The following NXPH1 variants were observed in gnomAD, a reference collection of about 807,000 sequenced individuals.
NXPH1 encodes neurexophilin 1, also known as neurexophilin-1.
In NXPH1, 5 loss-of-function variants were observed where a neutral mutation model predicts 23.7. The observed-to-expected ratio is 0.21, with a 90% CI of 0.11 to 0.44. NXPH1 has a LOEUF of 0.44. NXPH1 is among the 20% of genes least tolerant of loss of function. NXPH1 has a pLI of 0.99. For synonymous variants in NXPH1, 144 were observed against 122.2 expected (o/e 1.18, Z -1.18); for missense variants, 324 against 321.6 (o/e 1.01, Z -0.06).
intron 2 of NXPH1, among the ~76,000 whole-genome samples, chr7:8,582,781 C>G (rs1273010177): frequency 6.6e-6 from 1 of 152,190 alleles, no homozygotes; most frequent in Non-Finnish European, 1.5e-5. Context: ...CTGGAACTGA[C>G]AGTCCAGCCC....
At chr7:8,505,648 C>T (rs192161252) in intron 2 of NXPH1, among the ~76,000 whole-genome samples, 1 of 152,032 alleles carries the variant, frequency 6.6e-6, no homozygotes, top group East Asian at 1.9e-4. Flanking sequence ...AACTTGTGCC[C>T]ATTAGGTTTC....
chr7:8,735,063 A>G (rs1780225272), intron 2 of NXPH1, among the ~76,000 whole-genome samples: 1 of 152,134 alleles, frequency 6.6e-6, no homozygotes. Flanking sequence ...GGGTTTTCTA[A>G]ATATAAAATC....
chr7:8,440,634 G>A (rs1343555011), intron 2 of NXPH1, among the ~76,000 whole-genome samples: 1 of 152,144 alleles, frequency 6.6e-6, no homozygotes, highest in Non-Finnish European at 1.5e-5. Context: ...GAAATTGACA[G>A]CATTGTCCGG....
chr7:8,742,559 G>GA, intron 2 of NXPH1, among the ~76,000 whole-genome samples: 1 of 118,000 alleles, frequency 8.5e-6, no homozygotes, highest in Non-Finnish European at 2.0e-5. Flanking sequence ...GTGTCTCTGA[G>GA]ATATTTTGTT....
chr7:8,441,196 GT>G (rs1354263384), intron 2 of NXPH1, among the ~76,000 whole-genome samples: 1 of 152,184 alleles, frequency 6.6e-6, no homozygotes, highest in Non-Finnish European at 1.5e-5. Context: ...GCCGAGAGCG[GT>G]TGGGTCAGCG....
chr7:8,717,148 G>T (rs1779891236), intron 2 of NXPH1, among the ~76,000 whole-genome samples: 1 of 152,150 alleles, frequency 6.6e-6, no homozygotes, highest in East Asian at 1.9e-4. Flanking sequence ...CCCTTAGTAG[G>T]TTTGCTAAGA....
chr7:8,551,966 T>C (rs991445407), intron 2 of NXPH1, among the ~76,000 whole-genome samples: 1 of 151,354 alleles, frequency 6.6e-6, no homozygotes, highest in African/African-American at 2.4e-5. Context: ...CCTTAAATCC[T>C]CTGATGTCTC....
At chr7:8,577,703 G>T (rs1030832646) in intron 2 of NXPH1, among the ~76,000 whole-genome samples, 1 of 152,144 alleles carries the variant, frequency 6.6e-6, no homozygotes, top group Non-Finnish European at 1.5e-5. Context: ...CCCTTGTGTA[G>T]TCTCCTTCCA....
intron 2 of NXPH1, among the ~76,000 whole-genome samples, chr7:8,503,027 G>T (rs1817461660): frequency 6.6e-6 from 1 of 151,928 alleles, no homozygotes; most frequent in African/African-American, 2.4e-5. Context: ...CTTGGAACTG[G>T]GTGGGAAACC....
At chr7:8,743,385 G>T (rs12534041) in intron 2 of NXPH1, among the ~76,000 whole-genome samples, 3 of 113,554 alleles carry the variant, frequency 2.6e-5, no homozygotes, top group Non-Finnish European at 6.2e-5. Flanking sequence ...GTTGAAGATT[G>T]TATATATAAA....
intron 2 of NXPH1, among the ~76,000 whole-genome samples, chr7:8,715,253 C>T (rs13227361): frequency 8.5e-4 from 129 of 152,282 alleles, no homozygotes; most frequent in African/African-American, 2.9e-3. Context: ...CACTCTCCCT[C>T]CCGCAGGTGC....
intron 2 of NXPH1, among the ~76,000 whole-genome samples, chr7:8,621,195 A>G (rs571483952): frequency 6.6e-6 from 1 of 152,348 alleles, no homozygotes; most frequent in Admixed American, 6.5e-5. Context: ...AAGGTGCCAT[A>G]GATTCAAAAG....
intron 2 of NXPH1, among the ~76,000 whole-genome samples, chr7:8,520,649 G>A (rs1456836823): frequency 6.6e-6 from 1 of 151,342 alleles, no homozygotes; most frequent in Non-Finnish European, 1.5e-5. Flanking sequence ...TTTTTCTTGT[G>A]TGACTGTTTG....
chr7:8,705,669 AG>A (rs1233050590), intron 2 of NXPH1, among the ~76,000 whole-genome samples: 1 of 152,158 alleles, frequency 6.6e-6, no homozygotes, highest in African/African-American at 2.4e-5. Flanking sequence ...AAATCAACGT[AG>A]CCCTTTGGAC....
intron 2 of NXPH1, among the ~76,000 whole-genome samples, chr7:8,446,261 T>C (rs1816400948): frequency 1.3e-5 from 2 of 152,230 alleles, no homozygotes; most frequent in South Asian, 4.1e-4. Context: ...ACTGGTATGC[T>C]AATCATGGGT....
Position 8,586,626 on chromosome 7 carries a change from A to AATATAT in NXPH1, c.54+150875_54+150880dup, listed in dbSNP as rs201601131. On this transcript the variant is annotated intron_variant, in intron 2 of 2. Transcript: ENST00000405863. ...GGAATGGCATGTTAAGAGAATAATG[A>AATATAT]ATATATATATATATATATATACACA... is the stretch of plus-strand genomic sequence containing the variant. 4.9e-3 allele frequency among the ~76,000 whole-genome samples: 716 copies of AATATAT among 147,382 alleles called. 5 individuals carry two copies. Among genetic ancestry groups the AATATAT allele is most frequent in the African/African-American group, 0.017 (684 of 40,140 alleles).
chr7:8,492,024 C>T (rs1387911087), intron 2 of NXPH1, among the ~76,000 whole-genome samples: 3 of 151,966 alleles, frequency 2.0e-5, no homozygotes, highest in Non-Finnish European at 4.4e-5. Context: ...TGCCACTTAC[C>T]TCCAGAGGTA....
chr7:8,548,460 C>T (rs1818228442), intron 2 of NXPH1, among the ~76,000 whole-genome samples: 1 of 151,524 alleles, frequency 6.6e-6, no homozygotes, highest in South Asian at 2.1e-4. Context: ...AACTCTTTGA[C>T]TTAGTTAACT....
intron 2 of NXPH1, among the ~76,000 whole-genome samples, chr7:8,472,441 C>T (rs764639312): frequency 6.6e-6 from 1 of 152,108 alleles, no homozygotes; most frequent in Admixed American, 6.6e-5. Flanking sequence ...AGAGACTGAG[C>T]CAACGAGGGG....
Sources: allele counts gnomAD v4.1 joint callset (sites outside exome capture counted in the v4.1 genomes callset), GRCh38; gene constraint gnomAD v4.1.1; transcripts MANE v1.5; gene names NCBI Gene and HGNC (gene_info 2026-07-23, HGNC 2026-07-21).